GTF2F2: variants seen among roughly 807,000 people sequenced by gnomAD.
The protein encoded by GTF2F2 is ATP-dependent helicase GTF2F2.
A neutral mutation model predicts 42.2 loss-of-function variants in GTF2F2; 23 were observed. The ratio of observed to expected loss-of-function variants is 0.55; its 90% CI spans 0.39 to 0.77. The LOEUF is 0.77. GTF2F2 is among the 30% of genes least tolerant of loss of function. GTF2F2 has a pLI of 0.00. For synonymous variants in GTF2F2, 105 were observed against 100.8 expected, an observed-to-expected ratio of 1.04 and a Z score of -0.25; for missense variants, 261 against 287.2, an observed-to-expected ratio of 0.91 and a Z score of 0.66.
At chr13:45,211,508 A>G (rs1873640558) in intron 5 of GTF2F2, among the ~76,000 whole-genome samples, 1 of 150,990 alleles carries the variant, frequency 6.6e-6, no homozygotes, top group African/African-American at 2.4e-5. Context: ...GGCTCAAGTG[A>G]TCCTCCTACC....
intron 4 of GTF2F2, among the ~76,000 whole-genome samples, chr13:45,161,727 C>T (rs756163362): frequency 1.3e-5 from 2 of 152,196 alleles, no homozygotes; most frequent in South Asian, 2.1e-4. Context: ...CCTGTAATCC[C>T]GCCTATTCGG....
intron 7 of GTF2F2, among the ~76,000 whole-genome samples, chr13:45,273,427 A>AGT (rs1303254290): frequency 6.6e-6 from 1 of 152,116 alleles, no homozygotes; most frequent in Non-Finnish European, 1.5e-5. Context: ...GGGTGAATTT[A>AGT]GTAATATAAA....
chr13:45,277,540 A>G (rs1290241633), intron 7 of GTF2F2, among the ~76,000 whole-genome samples: 1 of 152,212 alleles, frequency 6.6e-6, no homozygotes, highest in East Asian at 1.9e-4. Flanking sequence ...AACACTGGGG[A>G]TTACATTTCA....
At chr13:45,128,710 C>T (rs1869177782) in intron 1 of GTF2F2, among the ~76,000 whole-genome samples, 1 of 152,082 alleles carries the variant, frequency 6.6e-6, no homozygotes, top group African/African-American at 2.4e-5. Context: ...CCTTCTGCCT[C>T]AACCTCCCAA....
chr13:45,283,274 T>G (rs1877337043), intron 7 of GTF2F2, among the ~76,000 whole-genome samples, 168 bp from the exon 8 acceptor site: 2 of 152,214 alleles, frequency 1.3e-5, no homozygotes, highest in Admixed American at 1.3e-4. Flanking sequence ...ATGTCGCACA[T>G]GTAGAATCAA....
At chr13:45,264,981 C>T (rs1377531089) in intron 6 of GTF2F2, among the ~76,000 whole-genome samples, 1 of 152,158 alleles carries the variant, frequency 6.6e-6, no homozygotes, top group Non-Finnish European at 1.5e-5. Flanking sequence ...GAGACTGAGG[C>T]CAGGCGTGGT....
chr13:45,260,232 T>G (rs1013601816), intron 6 of GTF2F2, among the ~76,000 whole-genome samples: 3 of 152,362 alleles, frequency 2.0e-5, no homozygotes, highest in Admixed American at 2.0e-4. Context: ...TAAAGTTCTA[T>G]GCATAAATTT....
At chr13:45,241,445 A>G (rs147595947) in intron 5 of GTF2F2, among the ~76,000 whole-genome samples, 2,772 of 152,174 alleles carry the variant, frequency 0.018, 69 homozygotes, top group Non-Finnish European at 0.018. Flanking sequence ...GCAATGGTAG[A>G]AGTGTGTTAT....
At chr13:45,281,429 T>C (rs1466339685) in intron 7 of GTF2F2, among the ~76,000 whole-genome samples, 1 of 152,248 alleles carries the variant, frequency 6.6e-6, no homozygotes, top group Admixed American at 6.5e-5. Context: ...GGCATTAGAT[T>C]ATGTTGGTAA....
intron 6 of GTF2F2, among the ~76,000 whole-genome samples, chr13:45,256,623 C>A (rs1876114542): frequency 6.6e-6 from 1 of 152,004 alleles, no homozygotes; most frequent in African/African-American, 2.4e-5. Flanking sequence ...AGGATAGGCA[C>A]CTGCATAGCT....
chr13:45,190,454 A>G (rs1872573858), intron 4 of GTF2F2, among the ~76,000 whole-genome samples: 1 of 152,168 alleles, frequency 6.6e-6, no homozygotes, highest in Admixed American at 6.5e-5. Context: ...GCAAAATCAG[A>G]CGTGGTTTCT....
intron 7 of GTF2F2, among the ~76,000 whole-genome samples, chr13:45,281,695 A>G (rs1164226065): frequency 6.6e-6 from 1 of 152,260 alleles, no homozygotes. Flanking sequence ...GTCTAGCACC[A>G]TGCTAGAGAA....
intron 4 of GTF2F2, among the ~76,000 whole-genome samples, chr13:45,185,830 CATACACAGCT>C (rs1314458775): frequency 2.0e-5 from 3 of 151,942 alleles, no homozygotes; most frequent in Non-Finnish European, 2.9e-5. Flanking sequence ...TAATTATTTC[CATACACAGCT>C]ATGCACAGTC....
At chr13:45,126,993 C>G (rs1869041118) in intron 1 of GTF2F2, among the ~76,000 whole-genome samples, 1 of 152,116 alleles carries the variant, frequency 6.6e-6, no homozygotes, top group South Asian at 2.1e-4. Context: ...ACAGATACAT[C>G]GTAAGTGATA....
intron 5 of GTF2F2, among the ~76,000 whole-genome samples, chr13:45,249,245 C>G (rs1234287918): frequency 1.3e-5 from 2 of 151,930 alleles, no homozygotes; most frequent in South Asian, 2.1e-4. Flanking sequence ...AGATTTAGTT[C>G]TTTGTTATAT....
chr13:45,138,838 G>A (rs2138103666), intron 2 of GTF2F2, among the ~76,000 whole-genome samples: 1 of 152,286 alleles, frequency 6.6e-6, no homozygotes, highest in East Asian at 1.9e-4. Context: ...TAGAGACGGG[G>A]TTTCGCCATG....
intron 3 of GTF2F2, among the ~76,000 whole-genome samples, 171 bp downstream of exon 3, chr13:45,149,959 T>C (rs748627852): frequency 6.6e-6 from 1 of 152,186 alleles, no homozygotes; most frequent in Non-Finnish European, 1.5e-5. Flanking sequence ...TGGACCCTTT[T>C]CTAGTTGTTC....
intron 5 of GTF2F2, among the ~76,000 whole-genome samples, chr13:45,248,472 GTTTTTGT>G (rs988881387): frequency 6.0e-5 from 9 of 150,870 alleles, no homozygotes; most frequent in Middle Eastern, 3.4e-3. Context: ...TGTTTTTTTG[GTTTTTGT>G]TTTTTGTTTT....
intron 4 of GTF2F2, among the ~76,000 whole-genome samples, chr13:45,168,198 A>T (rs1454787378): frequency 6.6e-6 from 1 of 152,154 alleles, no homozygotes; most frequent in Non-Finnish European, 1.5e-5. Flanking sequence ...ACTCCTATAG[A>T]TTAGGGGCTG....
Sources: allele counts gnomAD v4.1 joint callset (sites outside exome capture counted in the v4.1 genomes callset), GRCh38; gene constraint gnomAD v4.1.1; transcripts MANE v1.5; gene names NCBI Gene and HGNC (gene_info 2026-07-23, HGNC 2026-07-21).